MAML3: variants seen among roughly 807,000 people sequenced by gnomAD.
MAML3 encodes mastermind like transcriptional coactivator 3.
MAML3 carries 27 observed loss-of-function variants against 101.9 expected under a neutral mutation model. The ratio of observed to expected loss-of-function variants is 0.27; its 90% CI spans 0.20 to 0.37. The LOEUF (loss-of-function observed/expected upper bound fraction) is 0.37. MAML3 is among the 10% of genes least tolerant of loss of function. The pLI is 1.00. For synonymous variants in MAML3, 501 were observed against 555.9 expected, an observed-to-expected ratio of 0.90 and a Z score of 1.39; for missense variants, 1,316 against 1,444.9, an observed-to-expected ratio of 0.91 and a Z score of 1.45.
At chr4:139,790,450 T>C (rs536933564) in intron 2 of MAML3, among the ~76,000 whole-genome samples, 26 of 151,784 alleles carry the variant, frequency 1.7e-4, no homozygotes, top group South Asian at 6.3e-4. Flanking sequence ...TCAGTGGCAT[T>C]AGTATATTCA....
At chr4:140,039,330 G>A (rs185334645) in intron 1 of MAML3, among the ~76,000 whole-genome samples, 2 of 152,126 alleles carry the variant, frequency 1.3e-5, no homozygotes, top group Admixed American at 1.3e-4. Flanking sequence ...ACTGCTCCCT[G>A]GTACGGTCAA....
At chr4:139,781,759 A>G (rs1021683896) in intron 2 of MAML3, among the ~76,000 whole-genome samples, 1 of 152,158 alleles carries the variant, frequency 6.6e-6, no homozygotes, top group Non-Finnish European at 1.5e-5. Context: ...ACTGGTTTCA[A>G]CACCAGCCAT....
intron 2 of MAML3, among the ~76,000 whole-genome samples, chr4:139,871,847 A>G (rs1732012540): frequency 6.6e-6 from 1 of 152,246 alleles, no homozygotes; most frequent in African/African-American, 2.4e-5. Flanking sequence ...TAGGACACTA[A>G]TACAATTATC....
At position 139,719,349 on chromosome 4, in the gene MAML3, G is replaced by A. The variant is rs755449418; in HGVS notation, c.3391C>T (p.Leu1131Phe). Residue 1131 changes from leucine (L) to phenylalanine (F), a missense_variant, in exon 5 of 5, where the codon CTT becomes TTT. Leu to Phe is a conservative substitution (Grantham distance 22). Transcript: ENST00000509479. ...GGPGDEWMQE[L>F]DELFGNP is the part of the protein sequence containing the mutation. ...TAGGGGTTACCAAACAATTCATCAA[G>A]CTCCTGCATCCACTCGTCCCCTGGC... 6.3e-7 allele frequency: 1 copy of A among 1,599,612 alleles called. No individual in the cohort carries two copies. Among genetic ancestry groups the A allele is most frequent in the South Asian group, 1.1e-5 (1 of 89,536 alleles).
intron 1 of MAML3, among the ~76,000 whole-genome samples, chr4:140,047,907 C>A (rs962838166): frequency 1.3e-5 from 2 of 152,018 alleles, no homozygotes. Flanking sequence ...TCTTTAACTT[C>A]GTGATACTAA....
intron 1 of MAML3, among the ~76,000 whole-genome samples, chr4:139,962,989 C>T (rs894177553): frequency 1.3e-5 from 2 of 151,904 alleles, no homozygotes; most frequent in African/African-American, 4.8e-5. Context: ...TTTTTTTAAC[C>T]ATTCATCCAA....
intron 1 of MAML3, among the ~76,000 whole-genome samples, chr4:139,984,356 A>C (rs1446925487): frequency 3.9e-5 from 6 of 152,216 alleles, no homozygotes; most frequent in Non-Finnish European, 8.8e-5. Context: ...ATAGTAACCA[A>C]GGTGCTAAAA....
rs10568513 is a variant in MAML3 at position 139,781,508 on chromosome 4, C to CATATATATATATATATATATATATAT, written c.2080-50842_2080-50841insATATATATATATATATATATATATAT. On this transcript the variant is annotated intron_variant, in intron 2 of 4. Transcript: ENST00000509479. ...TCTTCTAATGATCGCAGAGCATTTTCATATATATATATATATATATATAGT... is the reference window on the plus strand; with the variant it reads ...TCTTCTAATGATCGCAGAGCATTTTCATATATATATATATATATATATATATATATATATATATATATATATATAGT... Among the ~76,000 whole-genome samples the CATATATATATATATATATATATATAT allele has an allele frequency of 5.3e-3, 720 of 136,500 alleles. 12 individuals carry two copies. The highest frequency in any genetic ancestry group is 9.2e-3 in the Admixed American group (115 of 12,540). The allele number at this position is 136,500 out of a possible 152,430, so 89.5% of individuals were successfully genotyped here. A position where few individuals can be genotyped will look rare whatever the true frequency, so the allele number is the denominator to read the frequency against.
At chr4:139,842,762 CTTTTTTTT>C (rs71584337) in intron 2 of MAML3, among the ~76,000 whole-genome samples, 3 of 30,922 alleles carry the variant, frequency 9.7e-5, no homozygotes, top group African/African-American at 1.3e-4. Context: ...ATCCGCTTGC[CTTTTTTTT>C]TTTTTTTTTT....
At chr4:139,725,943 T>A (rs1453134) in intron 3 of MAML3, 108 bp from the exon 4 acceptor site, 400 of 897,176 alleles carry the variant, frequency 4.5e-4, no homozygotes, top group African/African-American at 2.7e-3. Flanking sequence ...AAAACTAAAC[T>A]TTGTGTTGAA....
At chr4:140,122,077 T>G (rs556235393) in intron 1 of MAML3, among the ~76,000 whole-genome samples, 11 of 152,330 alleles carry the variant, frequency 7.2e-5, no homozygotes, top group African/African-American at 2.6e-4. Context: ...CATTTGGAAC[T>G]GCGAGTCGAT....
intron 2 of MAML3, among the ~76,000 whole-genome samples, chr4:139,760,596 C>G (rs61473137): frequency 6.6e-6 from 1 of 152,096 alleles, no homozygotes; most frequent in Non-Finnish European, 1.5e-5. Flanking sequence ...AACACCAAGG[C>G]GCTTCATTGC....
intron 1 of MAML3, among the ~76,000 whole-genome samples, chr4:140,046,207 T>G (rs894048815): frequency 6.6e-6 from 1 of 152,182 alleles, no homozygotes; most frequent in African/African-American, 2.4e-5. Flanking sequence ...GGACCATTTC[T>G]GGGCAGGGAC....
In MAML3 at chr4:139,730,430, TCTGCTG is replaced by T. The variant is rs3051167; in HGVS notation, c.2311_2316del (p.Gln771_Gln772del). 7.9e-4 allele frequency: 940 copies of T among 1,194,966 alleles called. No homozygotes were observed. Among genetic ancestry groups the T allele is most frequent in the Middle Eastern group, 1.4e-3 (7 of 4,846 alleles). 74.0% of individuals were successfully genotyped at this position (1,194,966 alleles called of 1,614,324 possible). On this transcript the variant is annotated inframe_deletion, in exon 3 of 5. Transcript: ENST00000509479. ...GGGCATGTTACCTGTTCCGCCAAAATCTGCTGCTGCTGCTGCTGCTGCTGCTGCCTT... is the reference window on the plus strand; with the variant it reads ...GGGCATGTTACCTGTTCCGCCAAAATCTGCTGCTGCTGCTGCTGCTGCCTT...
chr4:139,772,539 C>T (rs533279834), intron 2 of MAML3, among the ~76,000 whole-genome samples: 74 of 151,728 alleles, frequency 4.9e-4, no homozygotes, highest in Non-Finnish European at 1.0e-3. Context: ...GACACAGTTT[C>T]CCCATGTTGG....
chr4:139,724,053 T>C (rs920319374), intron 4 of MAML3, among the ~76,000 whole-genome samples: 1 of 152,186 alleles, frequency 6.6e-6, no homozygotes, highest in Non-Finnish European at 1.5e-5. Flanking sequence ...AAGCTACCCA[T>C]GGCAAAATTA....
intron 1 of MAML3, among the ~76,000 whole-genome samples, chr4:139,927,572 T>C (rs577572645): frequency 1.3e-5 from 2 of 152,244 alleles, no homozygotes; most frequent in South Asian, 4.1e-4. Flanking sequence ...TCCTTTTATA[T>C]GTATTCTTTG....
chr4:139,965,374 G>A (rs142362138), intron 1 of MAML3, among the ~76,000 whole-genome samples: 13 of 152,032 alleles, frequency 8.6e-5, no homozygotes, highest in Non-Finnish European at 1.8e-4. Flanking sequence ...TCTCCCTTCC[G>A]TAAGTATTAG....
intron 1 of MAML3, among the ~76,000 whole-genome samples, chr4:139,992,879 A>C (rs1734707019): frequency 6.6e-6 from 1 of 152,194 alleles, no homozygotes. Context: ...TTTTAAATAC[A>C]GCCATTCCAG....
Sources: allele counts gnomAD v4.1 joint callset (sites outside exome capture counted in the v4.1 genomes callset), GRCh38; gene constraint gnomAD v4.1.1; transcripts MANE v1.5; gene names NCBI Gene and HGNC (gene_info 2026-07-23, HGNC 2026-07-21).